The following TMEM51 variants were observed in gnomAD, a reference collection of about 807,000 sequenced individuals.
The protein encoded by TMEM51 is chromosome 1 open reading frame 72.
In TMEM51, 8 loss-of-function variants were observed where a neutral mutation model predicts 13.6. The ratio of observed to expected loss-of-function variants is 0.59; its 90% CI spans 0.35 to 1.07. TMEM51 has a LOEUF of 1.07. TMEM51 is among the 50% of genes least tolerant of loss of function. The probability of loss-of-function intolerance (pLI) is 0.02; values close to 1 mark genes in which losing one functional copy is unlikely to be tolerated. For missense variants in TMEM51, 279 were observed against 330.7 expected (o/e 0.84, Z 1.21); for synonymous variants, 147 against 144.4 (o/e 1.02, Z -0.13).
At chr1:15,173,846 C>T (rs1444469925) in intron 1 of TMEM51, among the ~76,000 whole-genome samples, 1 of 152,172 alleles carries the variant, frequency 6.6e-6, no homozygotes, top group Non-Finnish European at 1.5e-5. Flanking sequence ...CGTTAGTTGT[C>T]ACCTTAACTA....
intron 1 of TMEM51, among the ~76,000 whole-genome samples, chr1:15,163,143 G>C (rs991547919): frequency 3.3e-5 from 5 of 151,926 alleles, no homozygotes. Flanking sequence ...CAGGCTTTGG[G>C]GGGAAACGGT....
intron 2 of TMEM51, among the ~76,000 whole-genome samples, chr1:15,212,256 T>C (rs10927725): frequency 0.31 from 46,638 of 152,078 alleles, 7,572 homozygotes; most frequent in Non-Finnish European, 0.37. Flanking sequence ...GCCATCCCAA[T>C]ACCTTTCCCC....
At chr1:15,206,131 G>T (rs1644243885) in intron 1 of TMEM51, among the ~76,000 whole-genome samples, 1 of 151,892 alleles carries the variant, frequency 6.6e-6, no homozygotes, top group African/African-American at 2.4e-5. Flanking sequence ...CAGCTCCTCG[G>T]GGGCCGAGGT....
intron 1 of TMEM51, among the ~76,000 whole-genome samples, chr1:15,163,454 C>T (rs1642863682): frequency 6.6e-6 from 1 of 151,910 alleles, no homozygotes; most frequent in South Asian, 2.1e-4. Flanking sequence ...ACTTTCCACC[C>T]CCACCTACCT....
At chr1:15,213,134 C>A (rs1644368911) in intron 2 of TMEM51, among the ~76,000 whole-genome samples, 1 of 152,224 alleles carries the variant, frequency 6.6e-6, no homozygotes, top group Non-Finnish European at 1.5e-5. Context: ...AGATCATTTT[C>A]CTGCTGGCCT....
At chr1:15,208,188 C>T (rs1421239453) in intron 1 of TMEM51, among the ~76,000 whole-genome samples, 1 of 152,098 alleles carries the variant, frequency 6.6e-6, no homozygotes, top group Non-Finnish European at 1.5e-5. Context: ...GTTATCATCA[C>T]CCATGGGAAG....
At chr1:15,212,328 A>G (rs1357368434) in intron 2 of TMEM51, among the ~76,000 whole-genome samples, 1 of 152,214 alleles carries the variant, frequency 6.6e-6, no homozygotes, top group Non-Finnish European at 1.5e-5. Flanking sequence ...AGAATGTATT[A>G]ATCCCGACAT....
rs1557860171 is a variant in TMEM51, at chr1:15,215,303, C to T, written c.216C>T (p.Ala72=). Residue 72 remains alanine, a synonymous_variant, in exon 3 of 4, where the codon GCC becomes GCT. Transcript: ENST00000376008. ...CTGTGGCCTACGTGCTGGTCGGGGC[C>T]GGGGTGATGCTGCTGCTGCTTTCTA... The part of the protein sequence containing the change: ...TFSVAYVLVG[A]GVMLLLLSIC... The T allele has an allele frequency of 1.9e-6, 3 of 1,614,122 alleles. No homozygotes were observed. Among genetic ancestry groups the T allele is most frequent in the East Asian group, 2.2e-5 (1 of 44,878 alleles).
At chr1:15,157,612 C>T (rs773340326) in intron 1 of TMEM51, among the ~76,000 whole-genome samples, 1 of 152,130 alleles carries the variant, frequency 6.6e-6, no homozygotes, top group Non-Finnish European at 1.5e-5. Flanking sequence ...TTGTGGCATC[C>T]GTGGTGACAT....
At chr1:15,180,914 G>A (rs4661592) in intron 1 of TMEM51, among the ~76,000 whole-genome samples, 65,999 of 151,950 alleles carry the variant, frequency 0.43, 15,263 homozygotes, top group East Asian at 0.87. Flanking sequence ...TTGAAACTTG[G>A]GTCTGCTCAA....
chr1:15,204,427 G>A (rs1273520798), intron 1 of TMEM51, among the ~76,000 whole-genome samples: 2 of 152,222 alleles, frequency 1.3e-5, no homozygotes, highest in Admixed American at 1.3e-4. Flanking sequence ...GGTGGCGCAC[G>A]CCTGTAATCC....
intron 1 of TMEM51, among the ~76,000 whole-genome samples, chr1:15,184,040 C>G (rs976041756): frequency 6.6e-6 from 1 of 152,146 alleles, no homozygotes; most frequent in African/African-American, 2.4e-5. Context: ...TTCCTTCCTT[C>G]CTTCCGCCTT....
intron 1 of TMEM51, among the ~76,000 whole-genome samples, chr1:15,203,429 A>ATTT (rs112836703): frequency 2.1e-5 from 3 of 140,260 alleles, no homozygotes; most frequent in African/African-American, 7.7e-5. Flanking sequence ...TAATTTTTGT[A>ATTT]TTTTTTTTTT....
chr1:15,181,623 C>T (rs1373325745), intron 1 of TMEM51, among the ~76,000 whole-genome samples: 2 of 152,218 alleles, frequency 1.3e-5, no homozygotes, highest in South Asian at 4.1e-4. Flanking sequence ...CCCCACAGCC[C>T]TGGCTCTCAG....
chr1:15,165,239 C>T (rs116656840), intron 1 of TMEM51, among the ~76,000 whole-genome samples: 2 of 151,914 alleles, frequency 1.3e-5, no homozygotes, highest in Non-Finnish European at 2.9e-5. Flanking sequence ...TTACATGAGC[C>T]CAGGAGGTAG....
At chr1:15,185,262 A>G (rs10927705) in intron 1 of TMEM51, among the ~76,000 whole-genome samples, 81,980 of 150,944 alleles carry the variant, frequency 0.54, 22,607 homozygotes, top group East Asian at 0.66. Flanking sequence ...GGTTACTGCC[A>G]CATTGCCCAA....
chr1:15,176,691 C>T (rs188061361), intron 1 of TMEM51, among the ~76,000 whole-genome samples: 12 of 152,298 alleles, frequency 7.9e-5, no homozygotes, highest in Non-Finnish European at 1.5e-5. Context: ...GGGCCCTGCA[C>T]AAAGTGCATG....
intron 1 of TMEM51, among the ~76,000 whole-genome samples, chr1:15,193,878 G>A (rs1643991347): frequency 6.6e-6 from 1 of 152,172 alleles, no homozygotes; most frequent in African/African-American, 2.4e-5. Context: ...TTTAACAGGT[G>A]AGGAGGTGAA....
chr1:15,178,058 CT>C (rs1315343350), intron 1 of TMEM51, among the ~76,000 whole-genome samples: 3 of 151,976 alleles, frequency 2.0e-5, no homozygotes, highest in African/African-American at 7.2e-5. Flanking sequence ...GAACCAGAAC[CT>C]TTGACCCTGG....
Sources: gnomAD v4.1 joint callset for allele counts (sites outside exome capture counted in the v4.1 genomes callset) on GRCh38, gnomAD v4.1.1 for gene constraint, MANE v1.5 for transcripts, NCBI Gene and HGNC (gene_info 2026-07-23, HGNC 2026-07-21) for gene names.